PSD3: variants seen among roughly 807,000 people sequenced by gnomAD.
The protein encoded by PSD3 is pleckstrin and Sec7 domain containing 3, also known as PH and SEC7 domain-containing protein 3.
In PSD3, 49 loss-of-function variants were observed where a neutral mutation model predicts 105.5. The observed-to-expected ratio is 0.46, with a 90% confidence interval of 0.37 to 0.59. PSD3 has a LOEUF of 0.59. Ranked by LOEUF, PSD3 falls within the 20% of genes least tolerant of loss-of-function variation. PSD3 has a pLI of 0.00. For missense variants in PSD3, 1,561 were observed against 1,263.8 expected, an observed-to-expected ratio of 1.24 and a Z score of -3.57; for synonymous variants, 557 against 457.8, an observed-to-expected ratio of 1.22 and a Z score of -2.77.
At chr8:18,586,967 CT>C (rs1438577747) in intron 12 of PSD3, among the ~76,000 whole-genome samples, 1 of 152,194 alleles carries the variant, frequency 6.6e-6, no homozygotes. Context: ...GCATCCCCAT[CT>C]CTGGCAAAGC....
At chr8:19,011,472 G>A (rs920103699) in intron 1 of PSD3, among the ~76,000 whole-genome samples, 3 of 152,138 alleles carry the variant, frequency 2.0e-5, no homozygotes, top group Non-Finnish European at 4.4e-5. Context: ...TTTAGAAAGA[G>A]GGCAGAGCCA....
chr8:18,804,942 A>C, intron 4 of PSD3, 44 bp from the exon 5 acceptor site: 4 of 1,466,378 alleles, frequency 2.7e-6, no homozygotes, highest in Non-Finnish European at 3.7e-6. Context: ...TTTTTCTTAT[A>C]TGGCAAAAAG....
chr8:18,722,007 A>G (rs1002988768), intron 9 of PSD3, among the ~76,000 whole-genome samples: 6 of 152,074 alleles, frequency 3.9e-5, no homozygotes, highest in African/African-American at 1.4e-4. Context: ...GCGGAAGCCA[A>G]TTTATTGTTA....
At position 18,538,518 on chromosome 8, in the gene PSD3, C is replaced by A. The variant is rs116934356; in HGVS notation, c.2929-2560G>T. ...ATTAAAAAACAGAAAAGAACTACCCCCAACAGAAACAAAGTTTGGTAAAAT... is the reference window on the plus strand; with the variant it reads ...ATTAAAAAACAGAAAAGAACTACCCACAACAGAAACAAAGTTTGGTAAAAT... On this transcript the variant is annotated intron_variant, in intron 15 of 15. Transcript: ENST00000327040. 6.3e-3 allele frequency among the ~76,000 whole-genome samples: 953 copies of A among 152,208 alleles called. 5 individuals are homozygous for A. The highest frequency in any genetic ancestry group is 0.01 in the Middle Eastern group (3 of 294).
At chr8:19,078,527 G>A (rs147731987) in intron 1 of PSD3, among the ~76,000 whole-genome samples, 1 of 151,946 alleles carries the variant, frequency 6.6e-6, no homozygotes, top group Non-Finnish European at 1.5e-5. Flanking sequence ...GCATTGACTG[G>A]GTTGGCTGTC....
chr8:18,871,365 T>A (rs996585241), intron 3 of PSD3, among the ~76,000 whole-genome samples: 6 of 152,162 alleles, frequency 3.9e-5, no homozygotes, highest in Admixed American at 6.5e-5. Flanking sequence ...GAATTCACAG[T>A]TTAGTGTTCA....
intron 9 of PSD3, among the ~76,000 whole-genome samples, chr8:18,740,908 C>T (rs147167242): frequency 1.4e-4 from 21 of 152,182 alleles, no homozygotes; most frequent in African/African-American, 1.9e-4. Flanking sequence ...CAGTGACTTC[C>T]GGCTTTTCTC....
intron 9 of PSD3, among the ~76,000 whole-genome samples, chr8:18,741,282 G>A (rs760127611): frequency 1.3e-5 from 2 of 152,110 alleles, no homozygotes; most frequent in African/African-American, 2.4e-5. Context: ...TCCATTTTAT[G>A]GTTAGAGAAA....
chr8:18,767,171 G>T (rs1358605845), intron 8 of PSD3, among the ~76,000 whole-genome samples: 1 of 152,156 alleles, frequency 6.6e-6, no homozygotes, highest in Non-Finnish European at 1.5e-5. Flanking sequence ...TTAACAAAAG[G>T]AAATTGCATT....
chr8:19,007,833 T>TTTTTA, intron 1 of PSD3, among the ~76,000 whole-genome samples: 1 of 152,024 alleles, frequency 6.6e-6, no homozygotes, highest in East Asian at 1.9e-4. Flanking sequence ...CAAGGGAGAT[T>TTTTTA]TTTTATTTTT....
rs1479444778 is a variant in PSD3 at position 18,610,177 on chromosome 8, G to A, written c.2411-9743C>T. Reference sequence around the variant, plus strand: ...TAAAGGAAAAAAGTAGGGCAGCCTTGTAGGAACTGTTAAAGCAAACTAAAT... The same window carrying A: ...TAAAGGAAAAAAGTAGGGCAGCCTTATAGGAACTGTTAAAGCAAACTAAAT... On this transcript the variant is annotated intron_variant, in intron 11 of 15. Coordinates refer to ENST00000327040, the MANE Select transcript of PSD3 (RefSeq NM_015310.4). Among the ~76,000 whole-genome samples the A allele has an allele frequency of 1.3e-5, 2 of 152,202 alleles. 1 individual carries two copies. The highest frequency in any genetic ancestry group is 4.1e-4 in the South Asian group (2 of 4,834).
chr8:18,618,959 G>A (rs1422849850), intron 11 of PSD3, among the ~76,000 whole-genome samples: 4 of 152,208 alleles, frequency 2.6e-5, no homozygotes, highest in Admixed American at 2.6e-4. Flanking sequence ...ACTTCCTTTT[G>A]TAATTCAGTT....
At chr8:18,781,926 C>G (rs906268032) in intron 8 of PSD3, among the ~76,000 whole-genome samples, 7 of 151,952 alleles carry the variant, frequency 4.6e-5, no homozygotes, top group African/African-American at 1.7e-4. Flanking sequence ...TTTCAAAAGA[C>G]CTGTCTTCAA....
At chr8:18,695,507 C>T (rs1801209595) in intron 9 of PSD3, among the ~76,000 whole-genome samples, 1 of 152,160 alleles carries the variant, frequency 6.6e-6, no homozygotes, top group Non-Finnish European at 1.5e-5. Flanking sequence ...ATCTATTCCC[C>T]CTTAAGGGGC....
chr8:19,030,865 C>G (rs908533456), intron 1 of PSD3, among the ~76,000 whole-genome samples: 2 of 152,154 alleles, frequency 1.3e-5, no homozygotes, highest in African/African-American at 4.8e-5. Context: ...GAAAAATATA[C>G]CTGGATAAGC....
chr8:18,892,001 C>A (rs1386370428), intron 2 of PSD3, among the ~76,000 whole-genome samples: 3 of 152,256 alleles, frequency 2.0e-5, no homozygotes, highest in Non-Finnish European at 4.4e-5. Flanking sequence ...GAATAAGAAG[C>A]AACCCTCAGA....
intron 1 of PSD3, among the ~76,000 whole-genome samples, chr8:19,047,157 C>T (rs1003713746): frequency 6.6e-6 from 1 of 152,184 alleles, no homozygotes; most frequent in Non-Finnish European, 1.5e-5. Flanking sequence ...TGCTTAAGAG[C>T]CTCGGCAGAG....
intron 8 of PSD3, among the ~76,000 whole-genome samples, chr8:18,791,104 G>C (rs961370460): frequency 2.0e-5 from 3 of 152,148 alleles, no homozygotes; most frequent in Non-Finnish European, 4.4e-5. Context: ...AACATTCCAT[G>C]CTTACAGAAG....
At chr8:18,872,844 T>A in intron 2 of PSD3, 111 bp from the exon 3 acceptor site, 1 of 1,047,246 alleles carries the variant, frequency 9.5e-7, no homozygotes, top group Non-Finnish European at 1.4e-6. Flanking sequence ...TTAACTTGAT[T>A]ATTGCATTAT....
Sources: gnomAD v4.1 joint callset for allele counts (sites outside exome capture counted in the v4.1 genomes callset) on GRCh38, gnomAD v4.1.1 for gene constraint, MANE v1.5 for transcripts, NCBI Gene and HGNC (gene_info 2026-07-23, HGNC 2026-07-21) for gene names.